The following CDH23 variants were observed in gnomAD, a reference collection of about 807,000 sequenced individuals.
The protein encoded by CDH23 is cadherin-23.
A neutral mutation model predicts 317.1 loss-of-function variants in CDH23; 189 were observed. The ratio of observed to expected loss-of-function variants is 0.60; its 90% confidence interval spans 0.53 to 0.67. The LOEUF (loss-of-function observed/expected upper bound fraction) is 0.67, where lower values mean the gene tolerates loss of function less well. Among genes scored for constraint, CDH23 ranks in the 30% least tolerant of loss-of-function variants. The probability of loss-of-function intolerance (pLI) is 0.00; values close to 1 mark genes in which losing one functional copy is unlikely to be tolerated. For synonymous variants in CDH23, 1,839 were observed against 1,876.8 expected, an observed-to-expected ratio of 0.98 and a Z score of 0.52; for missense variants, 4,401 against 4,592.4, an observed-to-expected ratio of 0.96 and a Z score of 1.20.
rs539539909 is a variant in CDH23, at chr10:71,793,531, C to T, written c.6603C>T (p.His2201=). 16 of 1,613,774 alleles carry T rather than the reference C, an allele frequency of 9.9e-6. No homozygotes were observed. The highest frequency in any genetic ancestry group is 2.2e-5 in the East Asian group (1 of 44,882). The part of the protein sequence containing the change: ...TVIANITAID[H]DLNPKLEYHI... ...TTGCCAATATCACGGCCATTGACCA[C>T]GACCTCAACCCAAAGCTAGAGTACC... Residue 2201 remains histidine, a synonymous_variant, in exon 48 of 70, where the codon CAC becomes CAT. Coordinates refer to ENST00000224721, the MANE Select transcript of CDH23 (RefSeq NM_022124.6).
At chr10:71,451,705 G>A (rs1451486180) in intron 3 of CDH23, among the ~76,000 whole-genome samples, 2 of 152,222 alleles carry the variant, frequency 1.3e-5, no homozygotes, top group Admixed American at 6.5e-5. Context: ...CCATGGAGAT[G>A]CTGCTGTTAC....
chr10:71,612,723 G>T (rs1233229527), intron 9 of CDH23, among the ~76,000 whole-genome samples: 3 of 152,214 alleles, frequency 2.0e-5, no homozygotes, highest in African/African-American at 7.2e-5. Flanking sequence ...TTGCCTCAGG[G>T]CAGCCCTTCA....
intron 26 of CDH23, chr10:71,707,564 C>T (rs1191530667): frequency 9.9e-7 from 1 of 1,010,510 alleles, no homozygotes; most frequent in African/African-American, 1.7e-5. Flanking sequence ...AGGCCATGTC[C>T]TGGCTCACAG....
chr10:71,484,946 G>T (rs916251421), intron 3 of CDH23, among the ~76,000 whole-genome samples: 1 of 151,790 alleles, frequency 6.6e-6, no homozygotes, highest in Non-Finnish European at 1.5e-5. Flanking sequence ...TGTATTGGCT[G>T]CAAGTTACAG....
intron 19 of CDH23, among the ~76,000 whole-genome samples, chr10:71,689,731 G>A (rs1183931374): frequency 2.6e-5 from 4 of 152,198 alleles, no homozygotes; most frequent in East Asian, 1.9e-4. Flanking sequence ...CTTTAGACCC[G>A]GTCCCAGGGG....
chr10:71,431,482 T>C (rs1376898056), intron 1 of CDH23, among the ~76,000 whole-genome samples: 1 of 152,214 alleles, frequency 6.6e-6, no homozygotes, highest in Non-Finnish European at 1.5e-5. Context: ...TACAAGGGCT[T>C]GGCCATTAGC....
chr10:71,438,324 A>G (rs1849710863), intron 1 of CDH23, among the ~76,000 whole-genome samples: 2 of 143,754 alleles, frequency 1.4e-5, no homozygotes, highest in Non-Finnish European at 3.0e-5. Context: ...AGCCTGGGTG[A>G]CAGAGTGAGA....
intron 9 of CDH23, among the ~76,000 whole-genome samples, chr10:71,580,964 G>A (rs1213405381): frequency 1.3e-5 from 2 of 152,174 alleles, no homozygotes; most frequent in African/African-American, 4.8e-5. Context: ...CCCCAGGGGA[G>A]CAGGTGGACA....
chr10:71,473,906 G>A (rs1851649261), intron 3 of CDH23, among the ~76,000 whole-genome samples: 1 of 152,182 alleles, frequency 6.6e-6, no homozygotes, highest in South Asian at 2.1e-4. Context: ...TTACCCAGTC[G>A]TTAGCCCAGC....
chr10:71,503,774 C>T (rs535892247), intron 3 of CDH23, among the ~76,000 whole-genome samples: 2 of 152,160 alleles, frequency 1.3e-5, no homozygotes, highest in Non-Finnish European at 2.9e-5. Flanking sequence ...GAAGGCCTCC[C>T]CAACGTGCTA....
chr10:71,611,146 A>G (rs1415650137), intron 9 of CDH23, among the ~76,000 whole-genome samples: 3 of 150,694 alleles, frequency 2.0e-5, no homozygotes, highest in African/African-American at 7.4e-5. Context: ...AGTTTCCAGG[A>G]GAGCAGAGAA....
Position 71,686,680 on chromosome 10 carries a change from A to G in CDH23, c.1987-967A>G, listed in dbSNP as rs1029450681. On this transcript the variant is annotated intron_variant, in intron 18 of 69. Coordinates refer to ENST00000224721, the MANE Select transcript of CDH23 (RefSeq NM_022124.6). ...AGCAAACGAACAGGAACTGCCAAAGACTGTAACATAAAGACTGCCCAACGG... is the reference window on the plus strand; with the variant it reads ...AGCAAACGAACAGGAACTGCCAAAGGCTGTAACATAAAGACTGCCCAACGG... Among the ~76,000 whole-genome samples, 12 of 151,976 alleles carry G rather than the reference A, an allele frequency of 7.9e-5. No individual in the cohort carries two copies. In the South Asian group the frequency reaches 2.5e-3, roughly 31 times the overall value.
At chr10:71,405,588 C>T (rs1453462671) in intron 1 of CDH23, among the ~76,000 whole-genome samples, 3 of 152,086 alleles carry the variant, frequency 2.0e-5, no homozygotes, top group Non-Finnish European at 4.4e-5. Flanking sequence ...CAGGTGCATG[C>T]CATCACGCCA....
chr10:71,684,984 GA>G (rs1158582992), intron 18 of CDH23, among the ~76,000 whole-genome samples: 1 of 152,234 alleles, frequency 6.6e-6, no homozygotes, highest in Non-Finnish European at 1.5e-5. Context: ...GCTCAGGGAG[GA>G]CCCAGGCTCA....
At chr10:71,743,131 C>G (rs1330739306) in intron 38 of CDH23, among the ~76,000 whole-genome samples, 1 of 152,198 alleles carries the variant, frequency 6.6e-6, no homozygotes, top group African/African-American at 2.4e-5. Context: ...TTGGCCAAAG[C>G]AAGTCACAAG....
intron 34 of CDH23, among the ~76,000 whole-genome samples, chr10:71,735,309 G>A (rs1434328212): frequency 6.6e-6 from 1 of 152,198 alleles, no homozygotes; most frequent in Non-Finnish European, 1.5e-5. Context: ...AGTAAAGGCA[G>A]AGAAGACCAT....
Position 71,716,317 on chromosome 10 carries a change from G to T in CDH23, c.3369+3504G>T, listed in dbSNP as rs112655229. On this transcript the variant is annotated intron_variant, in intron 28 of 69. Coordinates refer to ENST00000224721, the MANE Select transcript of CDH23 (RefSeq NM_022124.6). Reference sequence around the variant, plus strand: ...GGCTGATGGCTGGGGAGCTGGCGAGGCTGGGGCCCTCTGTGCTCATGGCTC... The same window carrying T: ...GGCTGATGGCTGGGGAGCTGGCGAGTCTGGGGCCCTCTGTGCTCATGGCTC... The T allele has an allele frequency of 2.5e-5, 38 of 1,496,798 alleles. No individual in the cohort carries two copies. The African/African-American group carries it at 3.6e-4, about 14-fold the overall frequency. 92.7% of individuals were successfully genotyped at this position (1,496,798 alleles called of 1,614,324 possible). A position where few individuals can be genotyped will look rare whatever the true frequency, so the allele number is the denominator to read the frequency against.
At chr10:71,630,047 C>G (rs933101748) in intron 11 of CDH23, among the ~76,000 whole-genome samples, 1 of 152,042 alleles carries the variant, frequency 6.6e-6, no homozygotes, top group African/African-American at 2.4e-5. Flanking sequence ...TTTGAGACAA[C>G]GTATCACTCT....
chr10:71,455,646 GA>G (rs147907222), intron 3 of CDH23, among the ~76,000 whole-genome samples: 2,704 of 152,068 alleles, frequency 0.018, 78 homozygotes, highest in African/African-American at 0.062. Flanking sequence ...AAGCAGCATA[GA>G]AAAAAATATA....
Sources: gnomAD v4.1 joint callset for allele counts (sites outside exome capture counted in the v4.1 genomes callset) on GRCh38, gnomAD v4.1.1 for gene constraint, MANE v1.5 for transcripts, NCBI Gene and HGNC (gene_info 2026-07-23, HGNC 2026-07-21) for gene names.